AGMO: variants seen among roughly 807,000 people sequenced by gnomAD.
AGMO encodes alkylglycerol monooxygenase, also known as glyceryl-ether monooxygenase.
Under a neutral mutation model 60.2 loss-of-function variants are expected in AGMO, and 75 were observed. That is an observed-to-expected ratio of 1.25 (90% CI 1.03 to 1.51). The LOEUF (loss-of-function observed/expected upper bound fraction) is 1.51. Among genes scored for constraint, AGMO ranks in the 40% most tolerant of loss-of-function variants. AGMO has a pLI of 0.00. For missense variants in AGMO, 763 were observed against 525.5 expected (o/e 1.45, Z -4.42); for synonymous variants, 261 against 177.1 (o/e 1.47, Z -3.76).
rs1198522956 is a variant in AGMO, at chr7:15,394,306, G to A, written c.610-127C>T. 1.1e-5 allele frequency: 8 copies of A among 700,514 alleles called. No individual in the cohort carries two copies. In the African/African-American group the frequency reaches 1.5e-4, roughly 13 times the overall value. The allele number at this position is 700,514 out of a possible 1,614,324, so 43.4% of individuals were successfully genotyped here. A position where few individuals can be genotyped will look rare whatever the true frequency, so the allele number is the denominator to read the frequency against. ...CGAATTTCAGGGTTGGTATCAGAGAGTGGAAAAAAGTTCCACTGAAATCTG... is the reference window on the plus strand; with the variant it reads ...CGAATTTCAGGGTTGGTATCAGAGAATGGAAAAAAGTTCCACTGAAATCTG... On this transcript the variant is annotated intron_variant, in intron 5 of 12. Coordinates refer to ENST00000342526, the MANE Select transcript of AGMO (RefSeq NM_001004320.2).
At chr7:15,509,351 G>A (rs1024966513) in intron 3 of AGMO, among the ~76,000 whole-genome samples, 7 of 145,308 alleles carry the variant, frequency 4.8e-5, no homozygotes, top group Non-Finnish European at 1.1e-4. Flanking sequence ...ATGATGTTGT[G>A]AGAACTGTAG....
the AGMO span, among the ~76,000 whole-genome samples, chr7:15,167,308 C>T: frequency 6.6e-6 from 1 of 152,034 alleles, no homozygotes; most frequent in South Asian, 2.1e-4. Context: ...TCAAACATTG[C>T]TTTATAAATT....
chr7:15,280,026 T>C (rs944331905), intron 12 of AGMO, among the ~76,000 whole-genome samples: 6 of 152,112 alleles, frequency 3.9e-5, no homozygotes, highest in East Asian at 3.9e-4. Flanking sequence ...CAGCTGAAAT[T>C]AGTGATATAA....
In AGMO at chr7:15,407,293, T is replaced by C. The variant is rs146942583; in HGVS notation, c.609+11265A>G. On this transcript the variant is annotated intron_variant, in intron 5 of 12. Coordinates refer to ENST00000342526, the MANE Select transcript of AGMO (RefSeq NM_001004320.2). ...TACTCCATTATATTTATATAAACAC[T>C]AGAAATGCATACATGAATAAGCAAT... 5.7e-4 allele frequency among the ~76,000 whole-genome samples: 83 copies of C among 146,608 alleles called. 1 individual carries two copies. In the East Asian group the frequency reaches 0.016, roughly 28 times the overall value.
chr7:15,198,918 TATG>T (rs1781202879), downstream of AGMO, among the ~76,000 whole-genome samples: 1 of 152,226 alleles, frequency 6.6e-6, no homozygotes, highest in Non-Finnish European at 1.5e-5. Flanking sequence ...CCTCTAGCTG[TATG>T]ACTCCTAAGC....
At chr7:15,198,238 A>T (rs71191574), downstream of AGMO, among the ~76,000 whole-genome samples, 3 of 111,540 alleles carry the variant, frequency 2.7e-5, no homozygotes, top group South Asian at 2.6e-4. Context: ...AGAGAGAGAG[A>T]GAGAGAGAGA....
intron 12 of AGMO, among the ~76,000 whole-genome samples, chr7:15,287,440 A>G (rs2128520798): frequency 6.6e-6 from 1 of 152,334 alleles, no homozygotes; most frequent in Non-Finnish European, 1.5e-5. Context: ...GTTCAAGAAT[A>G]TAAAATATTT....
chr7:15,135,665 C>T, the AGMO span, among the ~76,000 whole-genome samples: 2 of 152,016 alleles, frequency 1.3e-5, no homozygotes, highest in African/African-American at 4.8e-5. Context: ...AGTCCTATTC[C>T]TCAGAGGACT....
chr7:15,437,242 C>T lies in AGMO; in HGVS notation c.410-6134G>A, dbSNP rs147968382. ...TGTCATCAATTTTATCATCATAACT[C>T]ATTCACTTCCTATAGCAGCAAATAC... On this transcript the variant is annotated intron_variant, in intron 3 of 12. Transcript: ENST00000342526. Among the ~76,000 whole-genome samples the T allele has an allele frequency of 6.4e-3, 979 of 152,246 alleles. 13 individuals carry two copies. Among genetic ancestry groups the T allele is most frequent in the African/African-American group, 0.022 (932 of 41,558 alleles).
In AGMO at chr7:15,308,084, C is replaced by T. The variant is rs184241673; in HGVS notation, c.1263+57430G>A. 5.8e-3 allele frequency among the ~76,000 whole-genome samples: 886 copies of T among 152,128 alleles called. 2 individuals carry two copies. The highest frequency in any genetic ancestry group is 8.7e-3 in the Non-Finnish European group (592 of 67,976). On this transcript the variant is annotated intron_variant, in intron 12 of 12. Transcript: ENST00000342526. ...ACCCCTTCAGTTTTCCATCCATTAC[C>T]CACAGGCTGCCAGGAAACATTTCCA... is the stretch of plus-strand genomic sequence containing the variant.
chr7:15,481,990 T>TAACATATCA (rs1462068541), intron 3 of AGMO, among the ~76,000 whole-genome samples: 1 of 151,898 alleles, frequency 6.6e-6, no homozygotes, highest in African/African-American at 2.4e-5. Flanking sequence ...CAGTAAAACA[T>TAACATATCA]AACATATCAC....
At chr7:15,349,925 G>A (rs1345311685) in intron 12 of AGMO, among the ~76,000 whole-genome samples, 1 of 152,048 alleles carries the variant, frequency 6.6e-6, no homozygotes, top group South Asian at 2.1e-4. Context: ...GGGATTATGG[G>A]AACTAAAATT....
intron 12 of AGMO, among the ~76,000 whole-genome samples, chr7:15,232,327 C>T (rs1025039321): frequency 1.6e-4 from 25 of 152,186 alleles, no homozygotes; most frequent in African/African-American, 5.5e-4. Flanking sequence ...AGCTAAGTGA[C>T]TTGCACAAGG....
chr7:15,304,237 A>G (rs1780543592), intron 12 of AGMO, among the ~76,000 whole-genome samples: 1 of 152,028 alleles, frequency 6.6e-6, no homozygotes, highest in Admixed American at 6.6e-5. Context: ...AACTCCTAAC[A>G]TTTGTTTCAT....
chr7:15,379,709 T>C (rs1783599897), intron 10 of AGMO, among the ~76,000 whole-genome samples: 1 of 151,700 alleles, frequency 6.6e-6, no homozygotes, highest in Non-Finnish European at 1.5e-5. Flanking sequence ...ACTGAAACTA[T>C]TCCAAAAACT....
intron 12 of AGMO, among the ~76,000 whole-genome samples, chr7:15,268,055 T>C (rs1036745869): frequency 6.6e-5 from 10 of 151,952 alleles, no homozygotes; most frequent in Admixed American, 4.6e-4. Flanking sequence ...TAAAGAAATA[T>C]TTTATCTGTT....
intron 12 of AGMO, among the ~76,000 whole-genome samples, chr7:15,254,576 T>C (rs1221449245): frequency 6.6e-6 from 1 of 152,200 alleles, no homozygotes; most frequent in African/African-American, 2.4e-5. Context: ...ATCAGATTAA[T>C]TGTTATTTTG....
intron 12 of AGMO, among the ~76,000 whole-genome samples, chr7:15,254,371 C>G (rs1378284695): frequency 6.6e-6 from 1 of 152,078 alleles, no homozygotes. Context: ...TCAGAGTTCC[C>G]CTTTCTCTAC....
intron 10 of AGMO, among the ~76,000 whole-genome samples, chr7:15,369,243 G>T (rs781257585): frequency 6.6e-6 from 1 of 151,774 alleles, no homozygotes; most frequent in Non-Finnish European, 1.5e-5. Context: ...TTCTAAAATT[G>T]CCTGTCCACC....
Sources: gnomAD v4.1 joint callset for allele counts (sites outside exome capture counted in the v4.1 genomes callset) on GRCh38, gnomAD v4.1.1 for gene constraint, MANE v1.5 for transcripts, NCBI Gene and HGNC (gene_info 2026-07-23, HGNC 2026-07-21) for gene names.